Variants in SPON1 observed in about 807,000 individuals in gnomAD.
SPON1 encodes the protein spondin 1.
In SPON1, 52 loss-of-function variants were observed where a neutral mutation model predicts 111.7. The observed-to-expected ratio is 0.47, with a 90% CI of 0.37 to 0.59. The LOEUF is 0.59. Ranked by LOEUF, SPON1 falls within the 20% of genes least tolerant of loss-of-function variation. The probability of loss-of-function intolerance (pLI) is 0.00; values close to 1 mark genes in which losing one functional copy is unlikely to be tolerated. For synonymous variants in SPON1, 410 were observed against 395.8 expected (o/e 1.04, Z -0.43); for missense variants, 957 against 1,068.5 (o/e 0.90, Z 1.46).
At chr11:14,078,117 T>C (rs1848932931) in intron 4 of SPON1, among the ~76,000 whole-genome samples, 1 of 152,242 alleles carries the variant, frequency 6.6e-6, no homozygotes, top group African/African-American at 2.4e-5. Context: ...TGATTCATTT[T>C]CAATAGGCTT....
intron 6 of SPON1, among the ~76,000 whole-genome samples, chr11:14,231,410 G>A (rs1554938708): frequency 6.6e-6 from 1 of 152,198 alleles, no homozygotes; most frequent in African/African-American, 2.4e-5. Context: ...TGGGATTACA[G>A]GTGTAAGCCA....
At chr11:14,041,705 T>C (rs1438781026) in intron 3 of SPON1, 51 bp downstream of exon 3, 2 of 1,583,336 alleles carry the variant, frequency 1.3e-6, no homozygotes, top group Admixed American at 1.9e-5. Context: ...CTTTGTGGTG[T>C]GATTGCAGGG....
At chr11:14,250,171 CA>C (rs1391907093) in intron 7 of SPON1, among the ~76,000 whole-genome samples, 8 of 152,124 alleles carry the variant, frequency 5.3e-5, no homozygotes, top group African/African-American at 1.9e-4. Flanking sequence ...CATTTTTTGC[CA>C]GCATGTCATT....
intron 5 of SPON1, among the ~76,000 whole-genome samples, chr11:14,110,450 GAT>G (rs2133848558): frequency 6.6e-6 from 1 of 152,158 alleles, no homozygotes; most frequent in East Asian, 1.9e-4. Context: ...AAACCAATAA[GAT>G]ATATGTATAT....
intron 5 of SPON1, among the ~76,000 whole-genome samples, chr11:14,123,790 C>A (rs1172742456): frequency 6.6e-6 from 1 of 152,250 alleles, no homozygotes; most frequent in African/African-American, 2.4e-5. Flanking sequence ...GTCAGTTCTA[C>A]TCCACCTTCC....
chr11:14,263,472 A>C (rs1215676943), intron 15 of SPON1, among the ~76,000 whole-genome samples: 4 of 152,186 alleles, frequency 2.6e-5, no homozygotes, highest in Non-Finnish European at 4.4e-5. Context: ...TGTGGCTCAG[A>C]CAAGGCAGCC....
At chr11:14,018,758 A>G (rs1848460745) in intron 2 of SPON1, among the ~76,000 whole-genome samples, 3 of 152,184 alleles carry the variant, frequency 2.0e-5, no homozygotes, top group African/African-American at 7.2e-5. Context: ...AGGGCATTCA[A>G]TGCAGTAAAG....
intron 6 of SPON1, among the ~76,000 whole-genome samples, chr11:14,173,179 G>A (rs1188826280): frequency 6.6e-6 from 1 of 151,728 alleles, no homozygotes; most frequent in Non-Finnish European, 1.5e-5. Flanking sequence ...TTTCTTGGAG[G>A]GTTTGTTCGT....
chr11:14,021,136 A>C (rs566135849), intron 2 of SPON1, among the ~76,000 whole-genome samples: 2 of 152,178 alleles, frequency 1.3e-5, no homozygotes, highest in East Asian at 3.9e-4. Flanking sequence ...CTTTATACCT[A>C]TTTGTATTTT....
intron 5 of SPON1, among the ~76,000 whole-genome samples, chr11:14,101,760 T>C (rs1312778593): frequency 3.9e-5 from 6 of 152,246 alleles, no homozygotes; most frequent in African/African-American, 1.4e-4. Flanking sequence ...GTTTTATCCC[T>C]AGGCCACTCA....
At chr11:14,161,167 C>A (rs797038921) in intron 6 of SPON1, among the ~76,000 whole-genome samples, 5 of 15,434 alleles carry the variant, frequency 3.2e-4, no homozygotes, top group South Asian at 1.8e-3. Context: ...TTATATATAT[C>A]TATATATCTA....
rs144209420 is a variant in SPON1, at chr11:14,204,568, G to A, written c.826-38764G>A. 3.3e-4 allele frequency among the ~76,000 whole-genome samples: 50 copies of A among 152,206 alleles called. 1 individual carries two copies. In the East Asian group the frequency reaches 9.3e-3, roughly 28 times the overall value. ...TTCTCTAAGTGCTGGGATTACAGGC[G>A]TGAGTCACCATGCCCAGCTCCAAGT... On this transcript the variant is annotated intron_variant, in intron 6 of 15. Transcript: ENST00000576479.
At chr11:13,996,788 T>C (rs1229006406) in intron 2 of SPON1, among the ~76,000 whole-genome samples, 1 of 152,270 alleles carries the variant, frequency 6.6e-6, no homozygotes, top group African/African-American at 2.4e-5. Flanking sequence ...TATAGGGTTT[T>C]ATATCCTGTT....
chr11:14,161,201 TTATATATTTA>T (rs1847953045), intron 6 of SPON1, among the ~76,000 whole-genome samples: 2 of 28,660 alleles, frequency 7.0e-5, no homozygotes, highest in African/African-American at 1.9e-4. Flanking sequence ...CTATATATAT[TTATATATTTA>T]TATATATCTA....
intron 5 of SPON1, among the ~76,000 whole-genome samples, chr11:14,093,240 G>T (rs1554923574): frequency 6.6e-6 from 1 of 152,240 alleles, no homozygotes; most frequent in South Asian, 2.1e-4. Flanking sequence ...TGGCTCAGAA[G>T]CAGTTGCTTC....
intron 6 of SPON1, among the ~76,000 whole-genome samples, chr11:14,234,800 C>T (rs782025309): frequency 4.6e-5 from 7 of 152,226 alleles, no homozygotes; most frequent in Non-Finnish European, 8.8e-5. Context: ...AAATTACAAG[C>T]TGTGTTTGAA....
chr11:14,245,568 A>G (rs1247610026), intron 7 of SPON1, among the ~76,000 whole-genome samples: 1 of 152,188 alleles, frequency 6.6e-6, no homozygotes, highest in African/African-American at 2.4e-5. Flanking sequence ...GAGGAGGGAC[A>G]TGGGGCTGTG....
chr11:14,180,359 A>T (rs1307949311), intron 6 of SPON1, among the ~76,000 whole-genome samples: 2 of 152,216 alleles, frequency 1.3e-5, no homozygotes, highest in Admixed American at 1.3e-4. Flanking sequence ...TTTCCTGCAC[A>T]AACACACACA....
rs1848632105 is a variant in SPON1 at position 14,041,640 on chromosome 11, C to A, written c.465C>A (p.Gly155=). 1 of 1,613,686 alleles carries A rather than the reference C, an allele frequency of 6.2e-7. No homozygotes were observed. The highest frequency in any genetic ancestry group is 8.5e-7 in the Non-Finnish European group (1 of 1,179,800). ...VFWIAPPAGT[G]CVILKASIVQ... is the part of the protein sequence containing the mutation. ...GGATAGCACCACCAGCGGGAACAGG[C>A]TGCGTGATTCTGAAGTAAGTAAACA... is the stretch of plus-strand genomic sequence containing the variant. The change falls in exon 3 of 16, where the codon GGC becomes GGA. Residue 155 remains glycine, a synonymous_variant. Transcript: ENST00000576479.
Sources: allele counts gnomAD v4.1 joint callset (sites outside exome capture counted in the v4.1 genomes callset), GRCh38; gene constraint gnomAD v4.1.1; transcripts MANE v1.5; gene names NCBI Gene and HGNC (gene_info 2026-07-23, HGNC 2026-07-21).